DACH1: variants seen among roughly 807,000 people sequenced by gnomAD.
DACH1 encodes dachshund family transcription factor 1, also known as dachshund homolog 1.
In DACH1, 12 loss-of-function variants were observed where a neutral mutation model predicts 54.2. That is an observed-to-expected ratio of 0.22 (90% CI 0.14 to 0.36). The LOEUF (loss-of-function observed/expected upper bound fraction) is 0.36. Ranked by LOEUF, DACH1 falls within the 10% of genes least tolerant of loss-of-function variation. The pLI, the probability that DACH1 is intolerant of heterozygous loss-of-function variation, is 1.00. For missense variants in DACH1, 805 were observed against 929.8 expected (o/e 0.87, Z 1.75); for synonymous variants, 386 against 366.2 (o/e 1.05, Z -0.62).
intron 6 of DACH1, among the ~76,000 whole-genome samples, chr13:71,520,149 G>C (rs562127648): frequency 3.3e-5 from 5 of 151,266 alleles, no homozygotes; most frequent in Non-Finnish European, 7.4e-5. Flanking sequence ...TTTCTTCCAT[G>C]TTTTGTCATT....
intron 10 of DACH1, among the ~76,000 whole-genome samples, chr13:71,452,878 G>A (rs1485792116): frequency 1.3e-5 from 2 of 152,124 alleles, no homozygotes; most frequent in Non-Finnish European, 1.5e-5. Flanking sequence ...TGTTCTGTTT[G>A]ACTCTATTTG....
At chr13:71,741,809 C>A (rs1049649353) in intron 1 of DACH1, among the ~76,000 whole-genome samples, 1 of 151,942 alleles carries the variant, frequency 6.6e-6, no homozygotes, top group Non-Finnish European at 1.5e-5. Flanking sequence ...ACAAAAGAAG[C>A]CACTTAGTCA....
At chr13:71,599,660 T>C (rs1231400853) in intron 3 of DACH1, among the ~76,000 whole-genome samples, 1 of 152,120 alleles carries the variant, frequency 6.6e-6, no homozygotes, top group Non-Finnish European at 1.5e-5. Flanking sequence ...TAAACCTCCT[T>C]ACTTTCTGTA....
chr13:71,725,848 A>G (rs527545758), intron 1 of DACH1, among the ~76,000 whole-genome samples: 22 of 152,240 alleles, frequency 1.4e-4, no homozygotes, highest in African/African-American at 5.3e-4. Flanking sequence ...GATCTCTTAG[A>G]AAGCTGCATG....
At chr13:71,718,078 G>C (rs1346652141) in intron 1 of DACH1, among the ~76,000 whole-genome samples, 3 of 151,792 alleles carry the variant, frequency 2.0e-5, no homozygotes, top group Non-Finnish European at 4.4e-5. Flanking sequence ...ACAACCACAG[G>C]GTTGAAGGAT....
chr13:71,725,679 G>A (rs1883437643), intron 1 of DACH1, among the ~76,000 whole-genome samples: 1 of 151,910 alleles, frequency 6.6e-6, no homozygotes, highest in Non-Finnish European at 1.5e-5. Context: ...ATCTATTAGA[G>A]AAATAAGCTC....
chr13:71,822,886 A>C (rs183270784), intron 1 of DACH1, among the ~76,000 whole-genome samples: 17 of 152,274 alleles, frequency 1.1e-4, no homozygotes, highest in African/African-American at 3.6e-4. Flanking sequence ...CAATGAAAAA[A>C]ATCATAATCT....
At chr13:71,543,364 G>A (rs895974569) in intron 6 of DACH1, among the ~76,000 whole-genome samples, 1 of 152,020 alleles carries the variant, frequency 6.6e-6, no homozygotes, top group Non-Finnish European at 1.5e-5. Flanking sequence ...TAGTAAGGAT[G>A]ATATGAACTG....
At chr13:71,666,301 G>C (rs1046117501) in intron 2 of DACH1, among the ~76,000 whole-genome samples, 7 of 152,102 alleles carry the variant, frequency 4.6e-5, no homozygotes, top group African/African-American at 1.7e-4. Flanking sequence ...CTATAAAAGA[G>C]ATGTGAGAAG....
At chr13:71,841,385 A>T (rs1308410245) in intron 1 of DACH1, among the ~76,000 whole-genome samples, 3 of 152,026 alleles carry the variant, frequency 2.0e-5, no homozygotes, top group Admixed American at 1.3e-4. Context: ...AGGTGGCAAG[A>T]GGTTGATTAA....
intron 6 of DACH1, among the ~76,000 whole-genome samples, chr13:71,506,547 T>C (rs1315279323): frequency 1.3e-5 from 2 of 151,986 alleles, no homozygotes; most frequent in Non-Finnish European, 2.9e-5. Context: ...TGTTGGACAT[T>C]TGGGTTGGTT....
chr13:71,846,193 T>C (rs546071314), intron 1 of DACH1: 2 of 228,752 alleles, frequency 8.7e-6, no homozygotes, highest in East Asian at 1.2e-4. Flanking sequence ...TCCAGAGTTA[T>C]CTGGGGAAGG....
At position 71,555,585 on chromosome 13, in the gene DACH1, C is replaced by A. The variant is rs144222371; in HGVS notation, c.1570+1439G>T. On this transcript the variant is annotated intron_variant, in intron 6 of 10. Coordinates refer to ENST00000613252, the MANE Select transcript of DACH1 (RefSeq NM_080759.6). Reference sequence around the variant, plus strand: ...TCTCGACTCCTGACCTCGTGATCTGCCTGCCTCAGCCTCCCAAAGTGCTGG... The same window carrying A: ...TCTCGACTCCTGACCTCGTGATCTGACTGCCTCAGCCTCCCAAAGTGCTGG... Among the ~76,000 whole-genome samples the A allele has an allele frequency of 2.7e-3, 413 of 152,060 alleles. 1 individual carries two copies. Among genetic ancestry groups the A allele is most frequent in the Admixed American group, 5.2e-3 (79 of 15,262 alleles).
intron 10 of DACH1, among the ~76,000 whole-genome samples, chr13:71,442,143 A>C (rs139850723): frequency 6.6e-6 from 1 of 151,950 alleles, no homozygotes; most frequent in Non-Finnish European, 1.5e-5. Context: ...CATTCATCCT[A>C]TTTTTTTGAA....
chr13:71,673,689 C>T (rs145090864), intron 2 of DACH1, among the ~76,000 whole-genome samples: 3,867 of 152,100 alleles, frequency 0.025, 159 homozygotes, highest in African/African-American at 0.086. Flanking sequence ...CAGCAAACCA[C>T]CATGGCACGT....
intron 1 of DACH1, among the ~76,000 whole-genome samples, chr13:71,720,225 A>G (rs1299042654): frequency 6.6e-6 from 1 of 152,164 alleles, no homozygotes; most frequent in African/African-American, 2.4e-5. Flanking sequence ...GAAAGCTAGC[A>G]TGGCTTATTC....
intron 2 of DACH1, among the ~76,000 whole-genome samples, chr13:71,633,601 G>GACACACAC (rs76720343): frequency 8.8e-4 from 132 of 149,590 alleles, no homozygotes; most frequent in African/African-American, 2.8e-3. Context: ...GTGTGTCACT[G>GACACACAC]ACACACACAC....
intron 1 of DACH1, among the ~76,000 whole-genome samples, chr13:71,826,735 A>G (rs1888398270): frequency 6.6e-6 from 1 of 152,102 alleles, no homozygotes; most frequent in Admixed American, 6.6e-5. Context: ...ACATCTTTAT[A>G]TATGTATATT....
intron 1 of DACH1, among the ~76,000 whole-genome samples, chr13:71,843,042 T>A (rs1219671041): frequency 6.6e-6 from 1 of 152,212 alleles, no homozygotes; most frequent in East Asian, 1.9e-4. Flanking sequence ...GTATGGCTTC[T>A]TTTTTGCTAT....
Sources: allele counts gnomAD v4.1 joint callset (sites outside exome capture counted in the v4.1 genomes callset), GRCh38; gene constraint gnomAD v4.1.1; transcripts MANE v1.5; gene names NCBI Gene and HGNC (gene_info 2026-07-23, HGNC 2026-07-21).